MED15: variants seen among roughly 807,000 people sequenced by gnomAD.
MED15 encodes mediator of RNA polymerase II transcription subunit 15.
A neutral mutation model predicts 118.7 loss-of-function variants in MED15; 41 were observed. The observed-to-expected ratio is 0.35, with a 90% CI of 0.27 to 0.45. The LOEUF is 0.45. MED15 is among the 20% of genes least tolerant of loss of function. The pLI, the probability that MED15 is intolerant of heterozygous loss-of-function variation, is 1.00. For missense variants in MED15, 740 were observed against 1,025.5 expected, an observed-to-expected ratio of 0.72 and a Z score of 3.80; for synonymous variants, 436 against 413.9, an observed-to-expected ratio of 1.05 and a Z score of -0.65.
intron 1 of MED15, among the ~76,000 whole-genome samples, chr22:20,534,163 G>GCCT (rs2054966724): frequency 6.6e-6 from 1 of 152,100 alleles, no homozygotes; most frequent in Non-Finnish European, 1.5e-5. Context: ...GCCACCCACA[G>GCCT]CCTCCCCACT....
chr22:20,564,424 G>A (rs750530898), intron 5 of MED15, 26 bp from the exon 6 acceptor site: 1 of 1,612,870 alleles, frequency 6.2e-7, no homozygotes, highest in Non-Finnish European at 8.5e-7. Flanking sequence ...CCTGTGGACT[G>A]ACTGGCGACT....
intron 1 of MED15, among the ~76,000 whole-genome samples, chr22:20,528,538 C>T (rs544476397): frequency 6.6e-6 from 1 of 152,312 alleles, no homozygotes; most frequent in South Asian, 2.1e-4. Context: ...AATGCTTGCA[C>T]ACCCTCTGCT....
At chr22:20,538,424 A>G (rs2055162951) in intron 2 of MED15, among the ~76,000 whole-genome samples, 1 of 150,158 alleles carries the variant, frequency 6.7e-6, no homozygotes. Context: ...TAAGTTTTTT[A>G]TTTTTTGTGG....
At position 20,507,612 on chromosome 22, in the gene MED15, C is replaced by T; in HGVS notation, c.-67C>T. On this transcript the variant is annotated 5_prime_UTR_variant, in exon 1 of 18. Transcript: ENST00000263205. ...GGACGGCTTCCGGGTTTGGGCCTGG[C>T]TCTGTGACTGAGGCGGCGGCGGTGG... is the stretch of plus-strand genomic sequence containing the variant. 5 of 1,600,074 alleles carry T rather than the reference C, an allele frequency of 3.1e-6. 1 individual carries two copies. The South Asian group carries it at 5.5e-5, about 18-fold the overall frequency.
At chr22:20,583,599 C>G in intron 13 of MED15, 2 of 602,728 alleles carry the variant, frequency 3.3e-6, no homozygotes, top group Non-Finnish European at 5.7e-6. Flanking sequence ...TTGCCCTATT[C>G]CTGGCTGCTG....
chr22:20,537,240 A>C, intron 2 of MED15, 36 bp downstream of exon 2: 1 of 1,577,472 alleles, frequency 6.3e-7, no homozygotes. Context: ...TCTGGCAGAG[A>C]GACTTGGAGA....
chr22:20,509,222 G>A (rs2053981021), intron 1 of MED15, among the ~76,000 whole-genome samples: 1 of 152,088 alleles, frequency 6.6e-6, no homozygotes, highest in Non-Finnish European at 1.5e-5. Context: ...GGGGTGTTGT[G>A]CCAAGGAATT....
chr22:20,546,650 A>G (rs1238683368), intron 2 of MED15, among the ~76,000 whole-genome samples: 1 of 152,002 alleles, frequency 6.6e-6, no homozygotes, highest in African/African-American at 2.4e-5. Flanking sequence ...AGGGCCACAG[A>G]TGGGTTCTCT....
intron 2 of MED15, among the ~76,000 whole-genome samples, chr22:20,539,336 C>T (rs2055201628): frequency 6.6e-6 from 1 of 152,116 alleles, no homozygotes; most frequent in African/African-American, 2.4e-5. Context: ...GTCTCAAACT[C>T]CTGACCTCAG....
chr22:20,543,142 T>C (rs969807499), intron 2 of MED15, among the ~76,000 whole-genome samples: 42 of 83,964 alleles, frequency 5.0e-4, no homozygotes, highest in African/African-American at 1.3e-3. Context: ...TGTGTGTGTG[T>C]GTGTGTGTGT....
intron 5 of MED15, among the ~76,000 whole-genome samples, chr22:20,556,551 G>A (rs1461747640): frequency 6.6e-6 from 1 of 151,884 alleles, no homozygotes; most frequent in African/African-American, 2.4e-5. Context: ...CTTCTCTCCT[G>A]AGCCTCCCAA....
At chr22:20,518,850 T>C in intron 1 of MED15, 1 of 453,400 alleles carries the variant, frequency 2.2e-6, no homozygotes, top group South Asian at 1.6e-5. Context: ...TTTTGAGACA[T>C]TCATTTATTT....
chr22:20,575,056 C>T, intron 8 of MED15, 57 bp from the exon 9 acceptor site: 2 of 1,606,638 alleles, frequency 1.2e-6, no homozygotes, highest in Admixed American at 1.7e-5. Flanking sequence ...TCCACCTGCC[C>T]AGGCACTGAG....
intron 1 of MED15, among the ~76,000 whole-genome samples, chr22:20,512,055 G>A (rs1313400345): frequency 6.9e-6 from 1 of 144,938 alleles, no homozygotes; most frequent in East Asian, 2.0e-4. Context: ...GTGGTACGAT[G>A]ATAGCTCACT....
chr22:20,587,504 C>A lies in MED15; in HGVS notation c.*800C>A. 3.8e-6 allele frequency: 1 copy of A among 262,604 alleles called. No individual in the cohort carries two copies. Among genetic ancestry groups the A allele is most frequent in the Non-Finnish European group, 7.3e-6 (1 of 136,598 alleles). The allele number at this position is 262,604 out of a possible 1,614,324, so 16.3% of individuals were successfully genotyped here. A position where few individuals can be genotyped will look rare whatever the true frequency, so the allele number is the denominator to read the frequency against. ...GCCGGGCCATGCAGGGAGCGCCTCCCTATGTTGCCTGCCACTCTGGGCACC... is the reference window on the plus strand; with the variant it reads ...GCCGGGCCATGCAGGGAGCGCCTCCATATGTTGCCTGCCACTCTGGGCACC... On this transcript the variant is annotated 3_prime_UTR_variant, in exon 18 of 18. Transcript: ENST00000263205.
chr22:20,533,067 A>G (rs531031750), intron 1 of MED15, among the ~76,000 whole-genome samples: 55 of 152,340 alleles, frequency 3.6e-4, no homozygotes, highest in Admixed American at 3.2e-3. Flanking sequence ...TCAGGAAGGC[A>G]TGCTGGGGAT....
chr22:20,564,323 G>C, intron 5 of MED15, 127 bp from the exon 6 acceptor site: 4 of 1,491,774 alleles, frequency 2.7e-6, no homozygotes, highest in Non-Finnish European at 3.6e-6. Flanking sequence ...TAAATGGAAC[G>C]TTCAGATTCC....
chr22:20,560,317 T>C (rs969266599), intron 5 of MED15, among the ~76,000 whole-genome samples: 10 of 152,092 alleles, frequency 6.6e-5, no homozygotes. Context: ...CAGGCTGGAG[T>C]GCAGTGGTGC....
At chr22:20,523,604 GT>G in intron 1 of MED15, 2 of 963,916 alleles carry the variant, frequency 2.1e-6, no homozygotes, top group Non-Finnish European at 2.5e-6. Context: ...ACAGAGCCAT[GT>G]GAGATCAGCA....
Sources: allele counts gnomAD v4.1 joint callset (sites outside exome capture counted in the v4.1 genomes callset), GRCh38; gene constraint gnomAD v4.1.1; transcripts MANE v1.5; gene names NCBI Gene and HGNC (gene_info 2026-07-23, HGNC 2026-07-21).